The following GRM7 variants were observed in gnomAD, a reference collection of about 807,000 sequenced individuals.
GRM7 encodes glutamate metabotropic receptor 7.
In GRM7, 35 loss-of-function variants were observed where a neutral mutation model predicts 84.5. The ratio of observed to expected loss-of-function variants is 0.41; its 90% CI spans 0.32 to 0.55. GRM7 has a LOEUF of 0.55. GRM7 is among the 20% of genes least tolerant of loss of function. GRM7 has a pLI of 0.19. For synonymous variants in GRM7, 487 were observed against 455.1 expected, an observed-to-expected ratio of 1.07 and a Z score of -0.89; for missense variants, 1,003 against 1,194.6, an observed-to-expected ratio of 0.84 and a Z score of 2.36.
intron 1 of GRM7, among the ~76,000 whole-genome samples, chr3:6,873,378 T>G (rs1008070167): frequency 2.6e-5 from 4 of 152,160 alleles, no homozygotes; most frequent in African/African-American, 9.7e-5. Context: ...CAGCCAGTAA[T>G]TTTTGTATAT....
At position 7,610,170 on chromosome 3, in the gene GRM7, A is replaced by C. The variant is rs1234660980; in HGVS notation, c.2451+30813A>C. ...AACTGCCTTGGACTAAAAGGCACTT[A>C]AACTTTAAGTCTACAGCAGCATAGG... On this transcript the variant is annotated intron_variant, in intron 8 of 9. Coordinates refer to ENST00000357716, the MANE Select transcript of GRM7 (RefSeq NM_000844.4). Among the ~76,000 whole-genome samples, 3 of 152,226 alleles carry C rather than the reference A, an allele frequency of 2.0e-5. No individual in the cohort carries two copies. The East Asian group carries it at 5.8e-4, about 29-fold the overall frequency.
chr3:7,021,276 C>T (rs1300306891), intron 1 of GRM7, among the ~76,000 whole-genome samples: 1 of 152,110 alleles, frequency 6.6e-6, no homozygotes, highest in Non-Finnish European at 1.5e-5. Flanking sequence ...ACACTTTTGT[C>T]TTAATGGAGC....
At chr3:7,071,549 C>G (rs1697884609) in intron 1 of GRM7, among the ~76,000 whole-genome samples, 2 of 151,960 alleles carry the variant, frequency 1.3e-5, no homozygotes, top group Non-Finnish European at 2.9e-5. Context: ...TCGGGTGAGC[C>G]ATATCTAAGA....
chr3:7,355,490 T>C (rs1605704), intron 4 of GRM7, among the ~76,000 whole-genome samples: 44,487 of 151,904 alleles, frequency 0.29, 6,602 homozygotes, highest in South Asian at 0.37. Flanking sequence ...AAGGCTTCTG[T>C]AGGTGAATCG....
intron 1 of GRM7, among the ~76,000 whole-genome samples, chr3:6,900,133 A>G (rs1032029573): frequency 6.6e-6 from 1 of 152,256 alleles, no homozygotes; most frequent in Admixed American, 6.5e-5. Flanking sequence ...ATGTTTAGAG[A>G]TGGCAATTTG....
intron 7 of GRM7, among the ~76,000 whole-genome samples, chr3:7,475,792 G>A (rs762474943): frequency 7.9e-5 from 12 of 152,144 alleles, no homozygotes; most frequent in Admixed American, 2.0e-4. Context: ...GGTATTGTGG[G>A]CATTTCTATC....
chr3:7,665,061 T>A (rs1008352472), intron 8 of GRM7, among the ~76,000 whole-genome samples: 1 of 152,172 alleles, frequency 6.6e-6, no homozygotes, highest in Non-Finnish European at 1.5e-5. Flanking sequence ...GTGTTTGCAC[T>A]ATTGGTGGAA....
At chr3:7,059,904 A>G (rs1273550384) in intron 1 of GRM7, among the ~76,000 whole-genome samples, 1 of 151,790 alleles carries the variant, frequency 6.6e-6, no homozygotes, top group Non-Finnish European at 1.5e-5. Flanking sequence ...TATGAGAAAG[A>G]TATTTCTGTT....
At chr3:6,891,040 G>C (rs1695917327) in intron 1 of GRM7, among the ~76,000 whole-genome samples, 1 of 152,106 alleles carries the variant, frequency 6.6e-6, no homozygotes, top group Non-Finnish European at 1.5e-5. Context: ...TTTTATCAGA[G>C]GCTAGGATTG....
At chr3:7,535,371 C>T (rs1282699005) in intron 7 of GRM7, 2 of 151,926 alleles carry the variant, frequency 1.3e-5, no homozygotes, top group African/African-American at 4.8e-5. Context: ...AGGAAGATAA[C>T]CAAGAGGATT....
At chr3:7,074,643 T>C (rs1052953840) in intron 1 of GRM7, among the ~76,000 whole-genome samples, 2 of 152,236 alleles carry the variant, frequency 1.3e-5, no homozygotes, top group Non-Finnish European at 2.9e-5. Context: ...TTTTTAGAAT[T>C]GTATTTTTAC....
At chr3:6,872,921 A>G (rs1228275099) in intron 1 of GRM7, among the ~76,000 whole-genome samples, 1 of 152,156 alleles carries the variant, frequency 6.6e-6, no homozygotes, top group Non-Finnish European at 1.5e-5. Flanking sequence ...TGCAATAAAC[A>G]TATGTGTGCA....
Position 7,578,449 on chromosome 3 carries a change from G to A in GRM7, c.1543G>A (p.Val515Ile), listed in dbSNP as rs745558961. 2 of 1,612,850 alleles carry A rather than the reference G, an allele frequency of 1.2e-6. No individual in the cohort carries two copies. Among genetic ancestry groups the A allele is most frequent in the Non-Finnish European group, 1.7e-6 (2 of 1,179,064 alleles). Residue 515 changes from valine (V) to isoleucine (I), a missense_variant, in exon 8 of 10, where the codon GTC becomes ATC. This residue lies in a region of GRM7 where 910 missense variants were observed against 1,126.0 expected (regional missense o/e 0.81). Transcript: ENST00000357716. ...AGAAGACATGCAGTGGGGTAAAGGA[G>A]TCCGAGAGATACCCGCCTCAGTGTG... The part of the protein sequence containing the change: ...NIEDMQWGKG[V>I]REIPASVCTL...
chr3:7,022,461 C>T (rs1695814762), intron 1 of GRM7, among the ~76,000 whole-genome samples: 1 of 151,722 alleles, frequency 6.6e-6, no homozygotes, highest in Admixed American at 6.6e-5. Context: ...GCCTCTGTAG[C>T]AGCCAGTACT....
At chr3:6,942,201 T>C (rs957350434) in intron 1 of GRM7, among the ~76,000 whole-genome samples, 1 of 152,142 alleles carries the variant, frequency 6.6e-6, no homozygotes, top group Non-Finnish European at 1.5e-5. Context: ...GATTTTGTTT[T>C]TGTAAAGTGG....
At chr3:6,885,566 C>CA (rs1388433304) in intron 1 of GRM7, among the ~76,000 whole-genome samples, 1 of 152,190 alleles carries the variant, frequency 6.6e-6, no homozygotes, top group African/African-American at 2.4e-5. Context: ...GCCCGACCCC[C>CA]AAAGCCTAGT....
At chr3:7,402,104 T>C (rs1405317113) in intron 4 of GRM7, among the ~76,000 whole-genome samples, 2 of 152,172 alleles carry the variant, frequency 1.3e-5, no homozygotes, top group Non-Finnish European at 2.9e-5. Context: ...ACTGAATTTT[T>C]CTACTTCTCA....
chr3:7,170,023 G>T (rs1340124429), intron 2 of GRM7, among the ~76,000 whole-genome samples: 1 of 152,240 alleles, frequency 6.6e-6, no homozygotes, highest in African/African-American at 2.4e-5. Context: ...TTGTGATTCA[G>T]TTAGTTTGAG....
At position 6,861,366 on chromosome 3, in the gene GRM7, G is replaced by A. The variant is rs781118010; in HGVS notation, c.-23G>A. On this transcript the variant is annotated 5_prime_UTR_variant, in exon 1 of 10. Coordinates refer to ENST00000357716, the MANE Select transcript of GRM7 (RefSeq NM_000844.4). The surrounding 1 kb of genome is among the most constrained non-coding windows in gnomAD (Gnocchi z 6.4). Reference sequence around the variant, plus strand: ...CACCGTTCCCTCCAGCGCCGCCGCCGCCACCGCAGCAGCCGGAGCAGCATG... The same window carrying A: ...CACCGTTCCCTCCAGCGCCGCCGCCACCACCGCAGCAGCCGGAGCAGCATG... The A allele has an allele frequency of 2.6e-5, 38 of 1,476,198 alleles. No homozygotes were observed. Among genetic ancestry groups the A allele is most frequent in the Non-Finnish European group, 2.8e-5 (31 of 1,123,394 alleles). The allele number at this position is 1,476,198 out of a possible 1,614,324, so 91.4% of individuals were successfully genotyped here. A position where few individuals can be genotyped will look rare whatever the true frequency, so the allele number is the denominator to read the frequency against.
Sources: allele counts gnomAD v4.1 joint callset (sites outside exome capture counted in the v4.1 genomes callset), GRCh38; gene constraint gnomAD v4.1.1; regional missense constraint gnomAD v4.1.1; non-coding constraint Gnocchi (gnomAD v3.1); transcripts MANE v1.5; gene names NCBI Gene and HGNC (gene_info 2026-07-23, HGNC 2026-07-21).